The following ARHGEF10 variants were observed in gnomAD, a reference collection of about 807,000 sequenced individuals.
ARHGEF10 encodes Rho guanine nucleotide exchange factor (GEF) 10.
A neutral mutation model predicts 147.4 loss-of-function variants in ARHGEF10; 140 were observed. The observed-to-expected ratio is 0.95, with a 90% confidence interval of 0.83 to 1.09. The LOEUF (loss-of-function observed/expected upper bound fraction) is 1.09, where lower values mean the gene tolerates loss of function less well. ARHGEF10 is among the 50% of genes least tolerant of loss of function. The probability of loss-of-function intolerance (pLI) is 0.00; values close to 1 mark genes in which losing one functional copy is unlikely to be tolerated. For synonymous variants in ARHGEF10, 902 were observed against 695.8 expected (o/e 1.30, Z -4.67); for missense variants, 2,222 against 1,752.7 (o/e 1.27, Z -4.78).
chr8:1,864,397 G>A lies in ARHGEF10; in HGVS notation c.506G>A (p.Arg169His), dbSNP rs762457485. ...EEETPEVTED[R>H]QPNSLSSEEP... ...GAAACACCAGAAGTCACAGAAGATC[G>A]CCAGCCCAATTCTCTGAGTTCCGAG... is the stretch of plus-strand genomic sequence containing the variant. Residue 169 changes from arginine (R) to histidine (H), a missense_variant, in exon 5 of 29, where the codon CGC (arginine) becomes CAC (histidine). Physicochemically the swap from Arg to His is conservative, Grantham distance 29. Transcript: ENST00000349830. 8 of 1,613,930 alleles carry A rather than the reference G, an allele frequency of 5.0e-6. No individual in the cohort carries two copies. In the African/African-American group the frequency reaches 5.3e-5, roughly 11 times the overall value.
chr8:1,923,939 G>C, intron 21 of ARHGEF10, 65 bp downstream of exon 21: 1 of 1,465,094 alleles, frequency 6.8e-7, no homozygotes, highest in Non-Finnish European at 9.5e-7. Flanking sequence ...TGCCCACGAG[G>C]GTGAGGTCAG....
chr8:1,941,203 G>A (rs1330031062), intron 26 of ARHGEF10, among the ~76,000 whole-genome samples: 1 of 152,224 alleles, frequency 6.6e-6, no homozygotes, highest in Non-Finnish European at 1.5e-5. Flanking sequence ...CCTCTTGTAT[G>A]TAGAATATTC....
At chr8:1,853,940 A>G (rs542384552) in intron 2 of ARHGEF10, among the ~76,000 whole-genome samples, 10 of 152,278 alleles carry the variant, frequency 6.6e-5, no homozygotes, top group African/African-American at 1.7e-4. Flanking sequence ...CTGTAAACCA[A>G]TTGCACCTGC....
intron 6 of ARHGEF10, among the ~76,000 whole-genome samples, chr8:1,867,453 A>C (rs1308083450): frequency 2.6e-5 from 4 of 152,244 alleles, no homozygotes; most frequent in Non-Finnish European, 4.4e-5. Context: ...TCTGCAACGT[A>C]AACAGAGCAA....
intron 6 of ARHGEF10, among the ~76,000 whole-genome samples, chr8:1,868,386 A>T (rs1026290117): frequency 4.6e-5 from 7 of 152,226 alleles, no homozygotes; most frequent in Non-Finnish European, 8.8e-5. Flanking sequence ...TCTTGCAGGG[A>T]GGGCACCGCT....
At chr8:1,833,942 C>T (rs1171407628) in intron 1 of ARHGEF10, among the ~76,000 whole-genome samples, 1 of 152,086 alleles carries the variant, frequency 6.6e-6, no homozygotes, top group Non-Finnish European at 1.5e-5. Flanking sequence ...TGGGAGCCCC[C>T]CAATGACCAC....
chr8:1,840,917 C>A (rs1803981655), intron 1 of ARHGEF10, among the ~76,000 whole-genome samples: 1 of 152,170 alleles, frequency 6.6e-6, no homozygotes. Flanking sequence ...CTGGCCGGCA[C>A]TCGGACCCTG....
chr8:1,826,380 G>C (rs1467200840), intron 1 of ARHGEF10, among the ~76,000 whole-genome samples: 1 of 151,860 alleles, frequency 6.6e-6, no homozygotes, highest in Non-Finnish European at 1.5e-5. Context: ...GCATGTGTGT[G>C]CGTTTGTGTG....
intron 26 of ARHGEF10, among the ~76,000 whole-genome samples, chr8:1,938,385 T>C (rs1035162149): frequency 1.3e-5 from 2 of 152,190 alleles, no homozygotes; most frequent in Admixed American, 1.3e-4. Flanking sequence ...CTGCTTAAAG[T>C]GCAAACCTTT....
At chr8:1,945,786 G>A in intron 27 of ARHGEF10, 131 bp downstream of exon 27, 1 of 1,381,538 alleles carries the variant, frequency 7.2e-7, no homozygotes, top group Non-Finnish European at 1.0e-6. Flanking sequence ...CCAGGTAATG[G>A]GGTGGGACAA....
At chr8:1,936,563 G>C (rs1485676641) in intron 26 of ARHGEF10, among the ~76,000 whole-genome samples, 4 of 152,160 alleles carry the variant, frequency 2.6e-5, no homozygotes, top group Non-Finnish European at 5.9e-5. Context: ...AGTGTCTTCA[G>C]TTGGGGCAAG....
chr8:1,896,195 A>C, intron 13 of ARHGEF10, 138 bp from the exon 14 acceptor site: 1 of 813,628 alleles, frequency 1.2e-6, no homozygotes, highest in Non-Finnish European at 2.2e-6. Flanking sequence ...TCACACAGTC[A>C]TAATAAAGTT....
intron 2 of ARHGEF10, among the ~76,000 whole-genome samples, chr8:1,844,464 G>T (rs1156396754): frequency 6.6e-6 from 1 of 152,040 alleles, no homozygotes; most frequent in East Asian, 1.9e-4. Flanking sequence ...GAATCCAGGG[G>T]TGAGCAGTGG....
intron 18 of ARHGEF10, among the ~76,000 whole-genome samples, chr8:1,913,313 TGC>T (rs1414838245): frequency 6.7e-6 from 1 of 149,924 alleles, no homozygotes; most frequent in Non-Finnish European, 1.5e-5. Context: ...TGTGTGTGTG[TGC>T]ACTTTTATTC....
chr8:1,930,408 C>G (rs922848987), intron 25 of ARHGEF10, among the ~76,000 whole-genome samples: 1 of 152,158 alleles, frequency 6.6e-6, no homozygotes, highest in Non-Finnish European at 1.5e-5. Context: ...AGCGTAGCCT[C>G]GCCTTCATTC....
At chr8:1,928,674 A>G (rs1563299347) in intron 24 of ARHGEF10, 24 bp downstream of exon 24, 2 of 1,612,546 alleles carry the variant, frequency 1.2e-6, no homozygotes, top group South Asian at 1.1e-5. Flanking sequence ...ACTGCGTTAC[A>G]GAGAATTAGC....
intron 18 of ARHGEF10, among the ~76,000 whole-genome samples, chr8:1,918,505 T>TGTGTGTGTGTGTGTGTGTGTG (rs1554505892): frequency 6.7e-6 from 1 of 148,716 alleles, no homozygotes; most frequent in Admixed American, 6.8e-5. Context: ...TGTGTGTGTG[T>TGTGTGTGTGTGTGTGTGTGTG]TATTTTAAAA....
chr8:1,945,374 G>T lies in ARHGEF10; in HGVS notation c.3223-107G>T. On this transcript the variant is annotated intron_variant, in intron 26 of 28. Coordinates refer to ENST00000349830, the MANE Select transcript of ARHGEF10 (RefSeq NM_014629.4). Reference sequence around the variant, plus strand: ...GTGATTTGGAGCAAAGCCTGCTACTGTGTTGCAGCCACTGAATGGCGCTCC... The same window carrying T: ...GTGATTTGGAGCAAAGCCTGCTACTTTGTTGCAGCCACTGAATGGCGCTCC... 2.3e-6 allele frequency: 3 copies of T among 1,330,790 alleles called. No individual in the cohort carries two copies. The South Asian group carries it at 3.8e-5, about 17-fold the overall frequency. 82.4% of individuals were successfully genotyped at this position (1,330,790 alleles called of 1,614,324 possible).
intron 1 of ARHGEF10, among the ~76,000 whole-genome samples, chr8:1,837,857 AG>A: frequency 6.6e-6 from 1 of 152,248 alleles, no homozygotes; most frequent in South Asian, 2.1e-4. Flanking sequence ...TGAGAAACTG[AG>A]GGATACCACG....
Sources: allele counts gnomAD v4.1 joint callset (sites outside exome capture counted in the v4.1 genomes callset), GRCh38; gene constraint gnomAD v4.1.1; transcripts MANE v1.5; gene names NCBI Gene and HGNC (gene_info 2026-07-23, HGNC 2026-07-21).